Variants in OSBPL1A observed in about 807,000 individuals in gnomAD.
The protein encoded by OSBPL1A is oxysterol binding protein like 1A.
OSBPL1A carries 80 observed loss-of-function variants against 137.1 expected under a neutral mutation model. The observed-to-expected ratio is 0.58, with a 90% CI of 0.49 to 0.70. The LOEUF (loss-of-function observed/expected upper bound fraction) is 0.70. Among genes scored for constraint, OSBPL1A ranks in the 30% least tolerant of loss-of-function variants. The pLI, the probability that OSBPL1A is intolerant of heterozygous loss-of-function variation, is 0.00. For synonymous variants in OSBPL1A, 365 were observed against 389.7 expected (o/e 0.94, Z 0.75); for missense variants, 970 against 1,129.4 (o/e 0.86, Z 2.02).
chr18:24,165,832 C>T (rs2086133364), intron 26 of OSBPL1A, among the ~76,000 whole-genome samples: 2 of 152,262 alleles, frequency 1.3e-5, no homozygotes, highest in Admixed American at 1.3e-4. Context: ...TACAGTGGCT[C>T]AGCCTGTAAT....
intron 17 of OSBPL1A, among the ~76,000 whole-genome samples, chr18:24,197,041 C>G (rs928494768): frequency 3.9e-5 from 6 of 152,158 alleles, no homozygotes; most frequent in South Asian, 2.1e-4. Flanking sequence ...TTCCAGAACA[C>G]TATTATGAAA....
chr18:24,195,818 T>G (rs983839125), intron 18 of OSBPL1A: 1 of 340,018 alleles, frequency 2.9e-6, no homozygotes, highest in African/African-American at 2.2e-5. Context: ...TGTGGGGTTG[T>G]CTGTTCTTTC....
intron 7 of OSBPL1A, among the ~76,000 whole-genome samples, chr18:24,326,548 C>G (rs977928000): frequency 2.0e-5 from 3 of 152,228 alleles, no homozygotes; most frequent in Non-Finnish European, 4.4e-5. Context: ...CAGCCATCTT[C>G]CATTATGTAT....
At chr18:24,316,709 C>T (rs996468334) in intron 11 of OSBPL1A, among the ~76,000 whole-genome samples, 1 of 152,126 alleles carries the variant, frequency 6.6e-6, no homozygotes, top group Non-Finnish European at 1.5e-5. Flanking sequence ...ACTGATACAA[C>T]CACTAGCCAA....
rs1472499466 is a variant in OSBPL1A, at chr18:24,196,107, A to T, written c.1677+18T>A. The T allele has an allele frequency of 1.3e-6, 2 of 1,586,316 alleles. No homozygotes were observed. Among genetic ancestry groups the T allele is most frequent in the Admixed American group, 3.3e-5 (2 of 59,720 alleles). On this transcript the variant is annotated intron_variant, in intron 18 of 27. Coordinates refer to ENST00000319481, the MANE Select transcript of OSBPL1A (RefSeq NM_080597.4). ...AAACATATCTGCTTAATATCATATGACAAAACCATTAATTTACCATTCCAA... is the reference window on the plus strand; with the variant it reads ...AAACATATCTGCTTAATATCATATGTCAAAACCATTAATTTACCATTCCAA...
At chr18:24,397,509 G>A (rs560297695) in intron 1 of OSBPL1A, 146 bp downstream of exon 1, 1 of 152,400 alleles carries the variant, frequency 6.6e-6, no homozygotes, top group East Asian at 1.9e-4. Context: ...GCCGCGCCAC[G>A]ACCCGACCAT....
At chr18:24,209,220 T>A (rs2087462469) in intron 17 of OSBPL1A, among the ~76,000 whole-genome samples, 1 of 152,080 alleles carries the variant, frequency 6.6e-6, no homozygotes, top group Non-Finnish European at 1.5e-5. Context: ...ACATAAAGAA[T>A]TACTACAAAT....
At chr18:24,251,500 GACC>G (rs1407291865) in intron 15 of OSBPL1A, among the ~76,000 whole-genome samples, 3 of 152,216 alleles carry the variant, frequency 2.0e-5, no homozygotes, top group Admixed American at 6.5e-5. Flanking sequence ...TCTTATCCAA[GACC>G]ACCAAGGCAG....
chr18:24,195,650 G>A (rs752324997), intron 18 of OSBPL1A, among the ~76,000 whole-genome samples: 4 of 152,118 alleles, frequency 2.6e-5, no homozygotes, highest in South Asian at 4.1e-4. Flanking sequence ...TCTATGAAAG[G>A]AAATGCTGCC....
chr18:24,238,463 A>G (rs976541756), intron 16 of OSBPL1A, among the ~76,000 whole-genome samples: 1 of 152,052 alleles, frequency 6.6e-6, no homozygotes, highest in Non-Finnish European at 1.5e-5. Flanking sequence ...TCATCCTCCA[A>G]TCTCCACGTG....
intron 1 of OSBPL1A, among the ~76,000 whole-genome samples, chr18:24,384,734 G>A (rs1275471670): frequency 6.6e-6 from 1 of 151,900 alleles, no homozygotes; most frequent in African/African-American, 2.4e-5. Context: ...GCCAAGCGTG[G>A]TGGTGGGCCC....
intron 16 of OSBPL1A, among the ~76,000 whole-genome samples, chr18:24,232,982 C>T (rs1487452206): frequency 6.6e-6 from 1 of 152,168 alleles, no homozygotes; most frequent in Non-Finnish European, 1.5e-5. Context: ...CACATTTCAA[C>T]CAAAATAGCA....
At chr18:24,329,193 C>A (rs2091032996) in intron 7 of OSBPL1A, among the ~76,000 whole-genome samples, 1 of 152,106 alleles carries the variant, frequency 6.6e-6, no homozygotes, top group Admixed American at 6.5e-5. Context: ...CTGCAGTGAG[C>A]AAAGATCACA....
chr18:24,175,104 G>GTGTGTATATATA (rs1491534405), intron 21 of OSBPL1A, among the ~76,000 whole-genome samples: 14 of 42,720 alleles, frequency 3.3e-4, no homozygotes, highest in Admixed American at 7.9e-4. Flanking sequence ...TTTGCCATGT[G>GTGTGTATATATA]TATGTATATA....
intron 17 of OSBPL1A, among the ~76,000 whole-genome samples, 194 bp downstream of exon 17, chr18:24,224,848 T>C (rs1237623375): frequency 6.6e-6 from 1 of 152,266 alleles, no homozygotes; most frequent in Admixed American, 6.5e-5. Flanking sequence ...ATGTGCTCTG[T>C]TCCTACAATT....
chr18:24,375,314 C>CAAAAAAAAAAA (rs61252568), intron 2 of OSBPL1A, among the ~76,000 whole-genome samples: 1 of 41,696 alleles, frequency 2.4e-5, no homozygotes, highest in South Asian at 1.3e-3. Flanking sequence ...AACCCTGTCT[C>CAAAAAAAAAAA]AAAAAAAAAA....
rs114529294 is a variant in OSBPL1A, at chr18:24,164,795, A to G, written c.2750+270T>C. ...TCCCACTACTGGGTATCCAAAGGAAAGGAAGTCAATGTATCAAAGGGATAC... is the reference window on the plus strand; with the variant it reads ...TCCCACTACTGGGTATCCAAAGGAAGGGAAGTCAATGTATCAAAGGGATAC... On this transcript the variant is annotated intron_variant, in intron 27 of 27. Coordinates refer to ENST00000319481, the MANE Select transcript of OSBPL1A (RefSeq NM_080597.4). Among the ~76,000 whole-genome samples, 579 of 152,364 alleles carry G rather than the reference A, an allele frequency of 3.8e-3. 6 individuals are homozygous for G. Among genetic ancestry groups the G allele is most frequent in the African/African-American group, 0.013 (555 of 41,582 alleles).
intron 21 of OSBPL1A, among the ~76,000 whole-genome samples, chr18:24,175,365 T>C (rs2086419960): frequency 6.6e-6 from 1 of 151,374 alleles, no homozygotes; most frequent in Admixed American, 6.6e-5. Context: ...TTAAAATCTT[T>C]TACTAGAGAC....
At chr18:24,211,091 G>A (rs2087526850) in intron 17 of OSBPL1A, among the ~76,000 whole-genome samples, 1 of 152,008 alleles carries the variant, frequency 6.6e-6, no homozygotes, top group South Asian at 2.1e-4. Flanking sequence ...TCAGCCTCCC[G>A]AATAGTTAGG....
Sources: allele counts gnomAD v4.1 joint callset (sites outside exome capture counted in the v4.1 genomes callset), GRCh38; gene constraint gnomAD v4.1.1; transcripts MANE v1.5; gene names NCBI Gene and HGNC (gene_info 2026-07-23, HGNC 2026-07-21).